The following CTNND2 variants were observed in gnomAD, a reference collection of about 807,000 sequenced individuals.
CTNND2 encodes the protein catenin delta 2.
A neutral mutation model predicts 144.4 loss-of-function variants in CTNND2; 22 were observed. The ratio of observed to expected loss-of-function variants is 0.15; its 90% CI spans 0.11 to 0.22. The LOEUF is 0.22. CTNND2 is among the 10% of genes least tolerant of loss of function. CTNND2 has a pLI of 1.00. For synonymous variants in CTNND2, 751 were observed against 695.6 expected, an observed-to-expected ratio of 1.08 and a Z score of -1.25; for missense variants, 1,353 against 1,618.8, an observed-to-expected ratio of 0.84 and a Z score of 2.82.
chr5:11,286,723 C>T (rs1166110574), intron 9 of CTNND2, among the ~76,000 whole-genome samples: 1 of 152,186 alleles, frequency 6.6e-6, no homozygotes, highest in Non-Finnish European at 1.5e-5. Context: ...TAGAAACTGT[C>T]ATAAACTGAC....
chr5:11,518,964 G>A (rs765151570), intron 3 of CTNND2, among the ~76,000 whole-genome samples: 6 of 151,882 alleles, frequency 4.0e-5, no homozygotes, highest in South Asian at 2.1e-4. Flanking sequence ...ACACAAGTAC[G>A]TCCACTGGCT....
At chr5:11,226,969 G>A (rs1580642090) in intron 10 of CTNND2, among the ~76,000 whole-genome samples, 1 of 152,084 alleles carries the variant, frequency 6.6e-6, no homozygotes, top group Non-Finnish European at 1.5e-5. Flanking sequence ...GCTTTATGTT[G>A]GTATGTGCAG....
At position 11,117,841 on chromosome 5, in the gene CTNND2, G is replaced by C. The variant is rs61753319; in HGVS notation, c.2160-274C>G. Reference sequence around the variant, plus strand: ...TGAGTCCCATGACCGTGGAGGGTGGGGGACCTTCAGAAAGTCTTCTAGGTT... The same window carrying C: ...TGAGTCCCATGACCGTGGAGGGTGGCGGACCTTCAGAAAGTCTTCTAGGTT... On this transcript the variant is annotated intron_variant, in intron 12 of 21. Coordinates refer to ENST00000304623, the MANE Select transcript of CTNND2 (RefSeq NM_001332.4). Among the ~76,000 whole-genome samples, 567 of 152,226 alleles carry C rather than the reference G, an allele frequency of 3.7e-3. 14 individuals are homozygous for C. The highest frequency in any genetic ancestry group is 0.031 in the Admixed American group (479 of 15,286).
chr5:11,439,007 T>C (rs1293302228), intron 3 of CTNND2, among the ~76,000 whole-genome samples: 3 of 152,056 alleles, frequency 2.0e-5, no homozygotes, highest in Non-Finnish European at 4.4e-5. Flanking sequence ...AGTTTTGAGA[T>C]GTAAACTACA....
At chr5:11,126,864 A>C (rs1472052777) in intron 12 of CTNND2, among the ~76,000 whole-genome samples, 2 of 152,254 alleles carry the variant, frequency 1.3e-5, no homozygotes, top group African/African-American at 2.4e-5. Flanking sequence ...TTAAAAAATA[A>C]GGACACGGAA....
intron 1 of CTNND2, among the ~76,000 whole-genome samples, chr5:11,900,663 A>G (rs17223875): frequency 0.19 from 28,992 of 152,196 alleles, 3,232 homozygotes; most frequent in Admixed American, 0.27. Context: ...GAAGGCTATC[A>G]AAGTACTGTG....
At chr5:11,284,493 TAGAGG>T (rs938584701) in intron 9 of CTNND2, among the ~76,000 whole-genome samples, 1 of 152,134 alleles carries the variant, frequency 6.6e-6, no homozygotes, top group African/African-American at 2.4e-5. Flanking sequence ...AGTTCCCACT[TAGAGG>T]AGAGAACATG....
chr5:11,539,113 C>T (rs1271407506), intron 3 of CTNND2, among the ~76,000 whole-genome samples: 1 of 152,060 alleles, frequency 6.6e-6, no homozygotes, highest in Non-Finnish European at 1.5e-5. Context: ...CTGTAGGGGA[C>T]AAAAAGATGA....
At chr5:11,389,725 C>T (rs1448194043) in intron 6 of CTNND2, among the ~76,000 whole-genome samples, 1 of 152,168 alleles carries the variant, frequency 6.6e-6, no homozygotes, top group African/African-American at 2.4e-5. Flanking sequence ...GAAGAGCCTA[C>T]TACAGTCTGG....
intron 13 of CTNND2, among the ~76,000 whole-genome samples, chr5:11,114,830 T>G (rs1241233564): frequency 6.6e-6 from 1 of 152,140 alleles, no homozygotes; most frequent in African/African-American, 2.4e-5. Flanking sequence ...ACCCTCAATT[T>G]GTCATTGTGA....
intron 9 of CTNND2, among the ~76,000 whole-genome samples, chr5:11,278,890 C>T (rs1263269883): frequency 1.3e-5 from 2 of 152,264 alleles, no homozygotes; most frequent in Admixed American, 6.5e-5. Context: ...AATTCTCCCT[C>T]GTTGCTTGAC....
intron 3 of CTNND2, among the ~76,000 whole-genome samples, chr5:11,558,001 G>A (rs1191113677): frequency 6.6e-6 from 1 of 152,142 alleles, no homozygotes; most frequent in Non-Finnish European, 1.5e-5. Flanking sequence ...ATATTAAGAG[G>A]TGATTTCCAA....
intron 1 of CTNND2, among the ~76,000 whole-genome samples, chr5:11,879,668 G>A (rs1266298336): frequency 2.0e-5 from 3 of 151,924 alleles, no homozygotes; most frequent in Admixed American, 6.6e-5. Context: ...CAAGAATTAT[G>A]AAACAAGACT....
intron 3 of CTNND2, among the ~76,000 whole-genome samples, chr5:11,526,771 T>C (rs1183116813): frequency 1.3e-5 from 2 of 152,152 alleles, no homozygotes; most frequent in African/African-American, 2.4e-5. Flanking sequence ...CCAGGAGAAC[T>C]GAAACAGGGA....
chr5:11,317,664 T>A (rs534067610), intron 9 of CTNND2, among the ~76,000 whole-genome samples: 1 of 152,308 alleles, frequency 6.6e-6, no homozygotes, highest in South Asian at 2.1e-4. Context: ...GTTACAAACA[T>A]GATTATTTCT....
intron 14 of CTNND2, among the ~76,000 whole-genome samples, chr5:11,108,723 C>T (rs1054552259): frequency 3.3e-5 from 5 of 152,042 alleles, no homozygotes; most frequent in Non-Finnish European, 1.5e-5. Flanking sequence ...TTCTCAGTGG[C>T]CCTCTGCCCA....
At chr5:11,306,851 T>C (rs529526718) in intron 9 of CTNND2, among the ~76,000 whole-genome samples, 1 of 152,338 alleles carries the variant, frequency 6.6e-6, no homozygotes, top group South Asian at 2.1e-4. Context: ...CAGTGTGCTG[T>C]CCTTAGTGAC....
At chr5:11,587,279 T>C (rs1051310646) in intron 2 of CTNND2, among the ~76,000 whole-genome samples, 14 of 152,216 alleles carry the variant, frequency 9.2e-5, no homozygotes, top group Admixed American at 6.5e-4. Context: ...ATCCATAGCA[T>C]TGAGATTGAC....
chr5:11,682,473 T>C (rs1784458231), intron 2 of CTNND2, among the ~76,000 whole-genome samples: 1 of 152,256 alleles, frequency 6.6e-6, no homozygotes, highest in Non-Finnish European at 1.5e-5. Flanking sequence ...TCAGCGAATG[T>C]GTTCTAAATA....
Sources: allele counts gnomAD v4.1 joint callset (sites outside exome capture counted in the v4.1 genomes callset), GRCh38; gene constraint gnomAD v4.1.1; transcripts MANE v1.5; gene names NCBI Gene and HGNC (gene_info 2026-07-23, HGNC 2026-07-21).